BIRC6: variants seen among roughly 807,000 people sequenced by gnomAD.
The protein encoded by BIRC6 is baculoviral IAP repeat containing 6.
BIRC6 carries 98 observed loss-of-function variants against 503.3 expected under a neutral mutation model. That is an observed-to-expected ratio of 0.19 (90% CI 0.17 to 0.23). The LOEUF (loss-of-function observed/expected upper bound fraction) is 0.23, where lower values mean the gene tolerates loss of function less well. Ranked by LOEUF, BIRC6 falls within the 10% of genes least tolerant of loss-of-function variation. The probability of loss-of-function intolerance (pLI) is 1.00; values close to 1 mark genes in which losing one functional copy is unlikely to be tolerated. For synonymous variants in BIRC6, 2,240 were observed against 2,078.7 expected (o/e 1.08, Z -2.11); for missense variants, 5,360 against 5,806.0 (o/e 0.92, Z 2.50).
At chr2:32,595,602 G>T (rs1243716417) in intron 68 of BIRC6, among the ~76,000 whole-genome samples, 1 of 152,190 alleles carries the variant, frequency 6.6e-6, no homozygotes, top group Non-Finnish European at 1.5e-5. Context: ...CTGGCAAAAA[G>T]ATTATATCAG....
intron 63 of BIRC6, 63 bp from the exon 64 acceptor site, chr2:32,547,787 T>A: frequency 2.2e-6 from 3 of 1,338,138 alleles, no homozygotes; most frequent in Admixed American, 3.1e-5. Flanking sequence ...TTCCCAGTGA[T>A]AAATATTTTT....
intron 50 of BIRC6, among the ~76,000 whole-genome samples, chr2:32,507,467 T>C (rs1487106465): frequency 6.6e-6 from 1 of 152,048 alleles, no homozygotes; most frequent in Non-Finnish European, 1.5e-5. Flanking sequence ...AAAAAAAATT[T>C]CTAAACTCAG....
chr2:32,443,948 G>A (rs1008438276), intron 20 of BIRC6, among the ~76,000 whole-genome samples: 5 of 152,128 alleles, frequency 3.3e-5, no homozygotes, highest in Admixed American at 1.3e-4. Context: ...AAGTAAAACG[G>A]TCCAGGTGTC....
chr2:32,478,883 T>G (rs2050063129), intron 36 of BIRC6, 65 bp downstream of exon 36: 2 of 1,504,632 alleles, frequency 1.3e-6, no homozygotes. Flanking sequence ...ACTAAGAATC[T>G]TCAAAGGGAT....
In BIRC6 at chr2:32,478,156, G is replaced by A. The variant is rs144743417; in HGVS notation, c.7069-479G>A. ...GATTGAGACCATCATGGCCAACATG[G>A]TGAAAACCCGTCCTTACTAAAAATA... On this transcript the variant is annotated intron_variant, in intron 35 of 73. Coordinates refer to ENST00000421745, the MANE Select transcript of BIRC6 (RefSeq NM_016252.4). Among the ~76,000 whole-genome samples the A allele has an allele frequency of 7.9e-3, 1,195 of 152,096 alleles. 8 individuals carry two copies. Among genetic ancestry groups the A allele is most frequent in the Middle Eastern group, 0.014 (4 of 294 alleles).
At chr2:32,404,823 A>G (rs1276803874) in intron 8 of BIRC6, among the ~76,000 whole-genome samples, 1 of 151,542 alleles carries the variant, frequency 6.6e-6, no homozygotes, top group African/African-American at 2.4e-5. Context: ...CACCATGCCC[A>G]GCTAATTTTT....
chr2:32,519,346 A>T (rs79846756), intron 57 of BIRC6: 1 of 178,156 alleles, frequency 5.6e-6, no homozygotes, highest in Admixed American at 5.5e-5. Context: ...TGGAGTAGGT[A>T]GAATTGACTG....
intron 23 of BIRC6, 57 bp downstream of exon 23, chr2:32,453,999 A>G (rs982154684): frequency 9.6e-6 from 12 of 1,249,518 alleles, no homozygotes; most frequent in Middle Eastern, 2.1e-4. Context: ...TAATAAAGTG[A>G]TATTTATATA....
At chr2:32,473,617 A>G (rs188838165) in intron 33 of BIRC6, among the ~76,000 whole-genome samples, 1 of 151,392 alleles carries the variant, frequency 6.6e-6, no homozygotes, top group African/African-American at 2.4e-5. Flanking sequence ...ACTCTTTAAC[A>G]TGGCTTCAGG....
At chr2:32,536,147 G>C in intron 61 of BIRC6, among the ~76,000 whole-genome samples, 1 of 152,104 alleles carries the variant, frequency 6.6e-6, no homozygotes. Context: ...ACTTTTTGAT[G>C]GGGTTGTTTG....
chr2:32,464,921 G>C (rs1047088633), intron 25 of BIRC6, 98 bp downstream of exon 25: 34 of 1,424,610 alleles, frequency 2.4e-5, no homozygotes, highest in Non-Finnish European at 2.4e-5. Flanking sequence ...CCAACTAGAT[G>C]TATCAAGTTA....
At chr2:32,564,492 T>C (rs577222322) in intron 65 of BIRC6, 1 of 152,342 alleles carries the variant, frequency 6.6e-6, no homozygotes, top group African/African-American at 2.4e-5. Context: ...TAGGATGGAA[T>C]TGTTGAGTTA....
At chr2:32,392,383 G>A (rs947035943) in intron 5 of BIRC6, among the ~76,000 whole-genome samples, 13 of 152,030 alleles carry the variant, frequency 8.6e-5, no homozygotes, top group African/African-American at 3.1e-4. Flanking sequence ...GCCTCCTTGA[G>A]TAGCTGGGAA....
At chr2:32,368,566 T>A (rs115183191) in intron 1 of BIRC6, among the ~76,000 whole-genome samples, 2,442 of 151,920 alleles carry the variant, frequency 0.016, 51 homozygotes, top group African/African-American at 0.057. Context: ...AATAAATAAA[T>A]AAAAAATAAA....
At chr2:32,594,369 A>G (rs148761077) in intron 67 of BIRC6, 233 of 214,612 alleles carry the variant, frequency 1.1e-3, no homozygotes, top group African/African-American at 5.2e-3. Flanking sequence ...AAAATAGTAC[A>G]TTAAGACTAT....
chr2:32,423,353 G>A (rs1013127497), intron 10 of BIRC6, among the ~76,000 whole-genome samples: 2 of 152,010 alleles, frequency 1.3e-5, no homozygotes, highest in African/African-American at 4.8e-5. Flanking sequence ...AGCATGTAAT[G>A]TAGTGGCTGT....
At chr2:32,531,235 G>T (rs1200212239) in intron 60 of BIRC6, 120 bp from the exon 61 acceptor site, 8 of 781,530 alleles carry the variant, frequency 1.0e-5, no homozygotes, top group Non-Finnish European at 1.6e-5. Flanking sequence ...CTAAATAAAT[G>T]ATGTTTTGTG....
chr2:32,521,678 T>C (rs1403340685), intron 57 of BIRC6, among the ~76,000 whole-genome samples: 2 of 150,924 alleles, frequency 1.3e-5, no homozygotes, highest in Non-Finnish European at 3.0e-5. Context: ...TGGGGTTTTG[T>C]CATATTGGCC....
At chr2:32,583,406 A>G (rs2060817250) in intron 66 of BIRC6, among the ~76,000 whole-genome samples, 1 of 152,210 alleles carries the variant, frequency 6.6e-6, no homozygotes, top group Non-Finnish European at 1.5e-5. Flanking sequence ...CATGGTGTTA[A>G]GTGTAAAAGT....
Sources: gnomAD v4.1 joint callset for allele counts (sites outside exome capture counted in the v4.1 genomes callset) on GRCh38, gnomAD v4.1.1 for gene constraint, MANE v1.5 for transcripts, NCBI Gene and HGNC (gene_info 2026-07-23, HGNC 2026-07-21) for gene names.